CD82: variants seen among roughly 807,000 people sequenced by gnomAD.
CD82 encodes the protein CD82 antigen.
In CD82, 36 loss-of-function variants were observed where a neutral mutation model predicts 37.4. That is an observed-to-expected ratio of 0.96 (90% CI 0.74 to 1.27). CD82 has a LOEUF of 1.27. CD82 is among the 50% of genes most tolerant of loss of function. The pLI, the probability that CD82 is intolerant of heterozygous loss-of-function variation, is 0.00. For missense variants in CD82, 340 were observed against 347.0 expected, an observed-to-expected ratio of 0.98 and a Z score of 0.16; for synonymous variants, 158 against 137.4, an observed-to-expected ratio of 1.15 and a Z score of -1.05.
chr11:44,592,989 C>T (rs1252477218), intron 2 of CD82, among the ~76,000 whole-genome samples: 1 of 152,158 alleles, frequency 6.6e-6, no homozygotes, highest in East Asian at 1.9e-4. Context: ...CCAAATCTGC[C>T]CTTTAAAAAG....
intron 9 of CD82, 152 bp from the exon 10 acceptor site, chr11:44,618,897 C>T (rs1853612310): frequency 2.4e-6 from 2 of 834,490 alleles, no homozygotes; most frequent in Non-Finnish European, 3.9e-6. Flanking sequence ...CACTGCCCCG[C>T]TCTGGGCCTC....
In CD82 at chr11:44,587,473, A is replaced by C; in HGVS notation, c.-102-2A>C. The C allele has an allele frequency of 2.2e-6, 1 of 456,300 alleles. No individual in the cohort carries two copies. Among genetic ancestry groups the C allele is most frequent in the South Asian group, 1.5e-5 (1 of 64,576 alleles). The allele number at this position is 456,300 out of a possible 1,614,324, so 28.3% of individuals were successfully genotyped here. The stretch of plus-strand genomic sequence containing the variant: ...TGACGAGATCTGGGTCGTGTTTTTC[A>C]GAGTCCTCCCTGCTGCTGTGTGGAC... On this transcript the variant is annotated splice_acceptor_variant, in intron 1 of 9. Transcript: ENST00000227155. LOFTEE classifies it low-confidence loss of function (5UTR_SPLICE).
At chr11:44,569,556 T>C (rs991924288) in intron 1 of CD82, among the ~76,000 whole-genome samples, 1 of 152,096 alleles carries the variant, frequency 6.6e-6, no homozygotes, top group Non-Finnish European at 1.5e-5. Flanking sequence ...CTCGGGGAGT[T>C]CTGGGACCTG....
chr11:44,596,651 G>A (rs1490192057), intron 3 of CD82, among the ~76,000 whole-genome samples: 1 of 152,154 alleles, frequency 6.6e-6, no homozygotes, highest in African/African-American at 2.4e-5. Context: ...CTGTGTACTG[G>A]GGCCTAGGAT....
intron 6 of CD82, among the ~76,000 whole-genome samples, chr11:44,609,679 T>G (rs1242612228): frequency 6.6e-6 from 1 of 152,212 alleles, no homozygotes. Context: ...TGTGGTTCTC[T>G]GTGAACTGTC....
At chr11:44,589,403 T>A (rs543673364) in intron 2 of CD82, among the ~76,000 whole-genome samples, 20 of 152,372 alleles carry the variant, frequency 1.3e-4, no homozygotes, top group Non-Finnish European at 2.9e-4. Flanking sequence ...CAGGAAAGCT[T>A]GGGCAGACTC....
rs73452894 is a variant in CD82 at position 44,568,655 on chromosome 11, T to C, written c.-103+2919T>C. On this transcript the variant is annotated intron_variant, in intron 1 of 9. Transcript: ENST00000227155. ...CAGTCAGGGCACAAGTTTCCCACAG[T>C]AGGGGGACTGGGGCAGGATTTTGGC... 2.3e-3 allele frequency among the ~76,000 whole-genome samples: 350 copies of C among 152,200 alleles called. 2 individuals carry two copies. The highest frequency in any genetic ancestry group is 8.0e-3 in the African/African-American group (334 of 41,536).
rs1394050705 is a variant in CD82, at chr11:44,600,210, G to A, written c.116G>A (p.Ser39Asn). 6.2e-7 allele frequency: 1 copy of A among 1,613,906 alleles called. No individual in the cohort carries two copies. Among genetic ancestry groups the A allele is most frequent in the Non-Finnish European group, 8.5e-7 (1 of 1,179,980 alleles). Residue 39 changes from serine (S) to asparagine (N), a missense_variant, in exon 4 of 10, where the codon AGC becomes AAC. By Grantham distance (46) the Ser-to-Asn change is conservative (BLOSUM62 1). Coordinates refer to ENST00000227155, the MANE Select transcript of CD82 (RefSeq NM_002231.4). ...GFGVWILADK[S>N]SFISVLQTSS... Reference sequence around the variant, plus strand: ...GGGGTGTGGATCCTGGCCGACAAGAGCAGTTTCATCTCTGTCCTGCGTAAG... The same window carrying A: ...GGGGTGTGGATCCTGGCCGACAAGAACAGTTTCATCTCTGTCCTGCGTAAG...
intron 8 of CD82, 35 bp from the exon 9 acceptor site, chr11:44,618,605 G>C: frequency 6.4e-7 from 1 of 1,561,224 alleles, no homozygotes; most frequent in Non-Finnish European, 8.8e-7. Flanking sequence ...GGATGGTGCA[G>C]AGCGGGGTGA....
At position 44,615,241 on chromosome 11, in the gene CD82, C is replaced by A. The variant is rs756982413; in HGVS notation, c.337-31C>A. 185 of 1,480,502 alleles carry A rather than the reference C, an allele frequency of 1.2e-4. 3 individuals carry two copies. In the Admixed American group the frequency reaches 3.1e-3, roughly 24 times the overall value. The allele number at this position is 1,480,502 out of a possible 1,614,324, so 91.7% of individuals were successfully genotyped here. A position where few individuals can be genotyped will look rare whatever the true frequency, so the allele number is the denominator to read the frequency against. The stretch of plus-strand genomic sequence containing the variant: ...CAGGTGGGCACGGGTTTCAGGAAAT[C>A]TGACCCTGACCTTTGTCCTCCCCCC... On this transcript the variant is annotated intron_variant, in intron 6 of 9. Transcript: ENST00000227155.
At chr11:44,577,666 A>G (rs1297028498) in intron 1 of CD82, among the ~76,000 whole-genome samples, 1 of 152,138 alleles carries the variant, frequency 6.6e-6, no homozygotes, top group Non-Finnish European at 1.5e-5. Flanking sequence ...TCGAAAAGTA[A>G]GGAAGCTACT....
chr11:44,570,273 C>T (rs72640898), intron 1 of CD82, among the ~76,000 whole-genome samples: 3,861 of 152,118 alleles, frequency 0.025, 105 homozygotes, highest in South Asian at 0.12. Context: ...TTCACCTTCT[C>T]CTCTGTGCTT....
chr11:44,616,013 C>T (rs915433517), intron 7 of CD82, among the ~76,000 whole-genome samples: 1 of 152,178 alleles, frequency 6.6e-6, no homozygotes, highest in African/African-American at 2.4e-5. Flanking sequence ...CAATGACCAC[C>T]TGGCTCTCCT....
chr11:44,603,842 T>C (rs11600811), intron 4 of CD82, among the ~76,000 whole-genome samples: 34,799 of 152,078 alleles, frequency 0.23, 4,305 homozygotes, highest in East Asian at 0.32. Flanking sequence ...TCAGGCCCAT[T>C]CCTGTACCTC....
In CD82 at chr11:44,618,258, A is replaced by G. The variant is rs760418741; in HGVS notation, c.535A>G (p.Lys179Glu). ...EVTYPCSCEV[K>E]GEEDNSLSVR... is the part of the protein sequence containing the mutation. The stretch of plus-strand genomic sequence containing the variant: ...CACCTACCCCTGTTCCTGCGAAGTC[A>G]AGGGGGAAGAGGACAACAGCCTTTC... Residue 179 changes from lysine (K) to glutamate (E), a missense_variant, in exon 8 of 10, where the codon AAG (lysine) becomes GAG (glutamate). Physicochemically the swap from Lys to Glu is moderately conservative, Grantham distance 56 (BLOSUM62 1). Coordinates refer to ENST00000227155, the MANE Select transcript of CD82 (RefSeq NM_002231.4). 1.6e-5 allele frequency: 26 copies of G among 1,614,088 alleles called. No individual in the cohort carries two copies. The highest frequency in any genetic ancestry group is 2.2e-5 in the Non-Finnish European group (26 of 1,180,020).
intron 1 of CD82, among the ~76,000 whole-genome samples, chr11:44,579,808 T>C (rs1852954836): frequency 6.6e-6 from 1 of 152,118 alleles, no homozygotes; most frequent in African/African-American, 2.4e-5. Context: ...ACCATGGAAG[T>C]GGGTCTCTCA....
At chr11:44,596,946 G>T (rs1565088592) in intron 3 of CD82, 1 of 456,242 alleles carries the variant, frequency 2.2e-6, no homozygotes. Context: ...GAAAGCAGAT[G>T]AGGCTCTTGG....
At chr11:44,587,303 A>G (rs773409579) in intron 1 of CD82, 172 bp from the exon 2 acceptor site, 9 of 399,540 alleles carry the variant, frequency 2.3e-5, no homozygotes, top group Non-Finnish European at 3.6e-5. Flanking sequence ...TACCAGGACA[A>G]CAGGAAAGAG....
Position 44,605,191 on chromosome 11 carries a change from G to C in CD82, c.261+9G>C. The C allele has an allele frequency of 6.2e-7, 1 of 1,612,682 alleles. No homozygotes were observed. The highest frequency in any genetic ancestry group is 8.5e-7 in the Non-Finnish European group (1 of 1,179,228). On this transcript the variant is annotated intron_variant, in intron 5 of 9. Transcript: ENST00000227155. ...GCTGCCTGCTGGGGCTGGTGAGTAC[G>C]GATCCCTCCGCAGCTGCCTGCCCAT...
Sources: gnomAD v4.1 joint callset for allele counts (sites outside exome capture counted in the v4.1 genomes callset) on GRCh38, gnomAD v4.1.1 for gene constraint, MANE v1.5 for transcripts, NCBI Gene and HGNC (gene_info 2026-07-23, HGNC 2026-07-21) for gene names.